Variants in LRTM3 observed in about 807,000 individuals in gnomAD.
LRTM3 encodes leucine rich repeat transmembrane protein 3.
At chr13:102,741,938 T>C in the LRTM3 span, 1 of 1,550,586 alleles carries the variant, frequency 6.4e-7, no homozygotes, top group Non-Finnish European at 8.7e-7. Context: ...TTGGTGTTTT[T>C]GTTCCTTTTC....
the LRTM3 span, chr13:102,744,234 T>G: frequency 6.4e-7 from 1 of 1,550,456 alleles, no homozygotes; most frequent in Non-Finnish European, 8.7e-7. Context: ...GTTACACATT[T>G]GGGACTCATA....
At chr13:102,749,066 A>C in the LRTM3 span, 1 of 1,550,516 alleles carries the variant, frequency 6.4e-7, no homozygotes, top group East Asian at 2.4e-5. Context: ...GGAAACAGAA[A>C]TAAGATGCAA....
the LRTM3 span, chr13:102,730,616 G>A: frequency 9.0e-6 from 14 of 1,552,048 alleles, no homozygotes; most frequent in Non-Finnish European, 1.1e-5. Flanking sequence ...GGTTGGCTGT[G>A]GGAATTTTCT....
At chr13:102,730,018 T>C in the LRTM3 span, 73 of 1,551,526 alleles carry the variant, frequency 4.7e-5, no homozygotes, top group Non-Finnish European at 6.2e-5. Flanking sequence ...ATACACTAGA[T>C]GACCTAGACT....
chr13:102,731,265 CT>C, the LRTM3 span: 52 of 1,551,156 alleles, frequency 3.4e-5, no homozygotes, highest in Non-Finnish European at 4.3e-5. Flanking sequence ...GAGTTAGGTT[CT>C]ATGGTATCAG....
chr13:102,759,043 G>A, the LRTM3 span: 1 of 646,638 alleles, frequency 1.5e-6, no homozygotes, highest in Non-Finnish European at 2.6e-6. Flanking sequence ...TGCAACATTT[G>A]GCCAGTGCTG....
At chr13:102,740,045 T>C in the LRTM3 span, 2 of 1,550,190 alleles carry the variant, frequency 1.3e-6, no homozygotes, top group Non-Finnish European at 1.7e-6. Flanking sequence ...TTTACTTTCT[T>C]GCAAAATAGG....
At chr13:102,748,205 A>C in the LRTM3 span, 2 of 1,551,150 alleles carry the variant, frequency 1.3e-6, no homozygotes, top group South Asian at 2.4e-5. Flanking sequence ...ATCTTGATGC[A>C]TATTTGTTAT....
chr13:102,733,019 A>G, the LRTM3 span: 5 of 1,551,198 alleles, frequency 3.2e-6, no homozygotes, highest in South Asian at 1.2e-5. Flanking sequence ...TGCAGGGTCA[A>G]TCTCTGTCAT....
At chr13:102,731,856 G>C in the LRTM3 span, 2 of 1,550,148 alleles carry the variant, frequency 1.3e-6, no homozygotes, top group Admixed American at 3.9e-5. Flanking sequence ...AGCATAGATG[G>C]ACACTCTGTG....
At chr13:102,731,063 T>G in the LRTM3 span, 2 of 1,551,468 alleles carry the variant, frequency 1.3e-6, no homozygotes, top group Non-Finnish European at 1.7e-6. Flanking sequence ...TTTGCCTTTT[T>G]CTTTTACTGA....
chr13:102,755,222 C>A, the LRTM3 span, among the ~76,000 whole-genome samples: 1 of 151,836 alleles, frequency 6.6e-6, no homozygotes, highest in Non-Finnish European at 1.5e-5. Context: ...TCTGCCCCCC[C>A]AGCTACCCCC....
the LRTM3 span, chr13:102,748,753 A>G: frequency 6.5e-7 from 1 of 1,550,026 alleles, no homozygotes; most frequent in Non-Finnish European, 8.7e-7. Flanking sequence ...TACTCTTCCC[A>G]TTTGTTTCTA....
At chr13:102,731,416 T>G in the LRTM3 span, 1 of 1,551,396 alleles carries the variant, frequency 6.4e-7, no homozygotes, top group Non-Finnish European at 8.7e-7. Flanking sequence ...GATTCAGTTG[T>G]ATTTCAAGTG....
the LRTM3 span, chr13:102,749,232 G>A: frequency 6.4e-7 from 1 of 1,550,604 alleles, no homozygotes; most frequent in Non-Finnish European, 8.7e-7. Flanking sequence ...GGAACATTAA[G>A]ACTGAGTTTG....
chr13:102,745,321 A>G, the LRTM3 span: 4 of 1,550,584 alleles, frequency 2.6e-6, no homozygotes, highest in Non-Finnish European at 3.5e-6. Flanking sequence ...GTGGAGATGT[A>G]TCTTGCTTTA....
the LRTM3 span, chr13:102,734,410 T>C: frequency 1.3e-6 from 2 of 1,551,166 alleles, no homozygotes; most frequent in African/African-American, 1.4e-5. Flanking sequence ...TGGAAAAGAG[T>C]ATGCACATTT....
At chr13:102,741,627 G>C in the LRTM3 span, 5 of 1,550,244 alleles carry the variant, frequency 3.2e-6, no homozygotes, top group Non-Finnish European at 3.5e-6. Flanking sequence ...ATATCTTCTT[G>C]TTTCAGCAAT....
the LRTM3 span, among the ~76,000 whole-genome samples, chr13:102,756,673 TAAAAAAAAAAA>T: frequency 1.6e-4 from 11 of 67,024 alleles, no homozygotes; most frequent in African/African-American, 5.5e-4. Flanking sequence ...AAACTCTGTC[TAAAAAAAAAAA>T]AAAAAAAAAA....
Sources: gnomAD v4.1 joint callset for allele counts (sites outside exome capture counted in the v4.1 genomes callset) on GRCh38, gnomAD v4.1.1 for gene constraint, MANE v1.5 for transcripts, NCBI Gene and HGNC (gene_info 2026-07-23, HGNC 2026-07-21) for gene names.